Variants in AKAP13 observed in about 807,000 individuals in gnomAD.
The protein encoded by AKAP13 is A-kinase anchor protein 13.
AKAP13 carries 80 observed loss-of-function variants against 264.5 expected under a neutral mutation model. The ratio of observed to expected loss-of-function variants is 0.30; its 90% CI spans 0.25 to 0.36. The LOEUF is 0.36. AKAP13 is among the 10% of genes least tolerant of loss of function. The pLI, the probability that AKAP13 is intolerant of heterozygous loss-of-function variation, is 1.00. For missense variants in AKAP13, 3,712 were observed against 3,435.2 expected (o/e 1.08, Z -2.01); for synonymous variants, 1,380 against 1,250.2 (o/e 1.10, Z -2.19).
At chr15:85,575,370 A>ATGTGTG (rs2078968739) in intron 6 of AKAP13, 41 bp downstream of exon 6, 1 of 1,569,528 alleles carries the variant, frequency 6.4e-7, no homozygotes. Context: ...ATGCATGTGT[A>ATGTGTG]TGTGTGTGTT....
intron 5 of AKAP13, among the ~76,000 whole-genome samples, chr15:85,563,988 T>C (rs1449166611): frequency 6.6e-6 from 1 of 152,226 alleles, no homozygotes; most frequent in Non-Finnish European, 1.5e-5. Flanking sequence ...GTATGTGGTA[T>C]ACCTTGAACA....
At chr15:85,537,778 G>T (rs1169076581) in intron 4 of AKAP13, among the ~76,000 whole-genome samples, 1 of 152,188 alleles carries the variant, frequency 6.6e-6, no homozygotes, top group African/African-American at 2.4e-5. Flanking sequence ...GGGGGAAAGT[G>T]TATTCTGATA....
chr15:85,738,103 A>C (rs2088674378), intron 33 of AKAP13, among the ~76,000 whole-genome samples: 1 of 152,184 alleles, frequency 6.6e-6, no homozygotes, highest in East Asian at 1.9e-4. Flanking sequence ...TTTATTAAGA[A>C]TAAAATAAGA....
intron 29 of AKAP13, among the ~76,000 whole-genome samples, chr15:85,728,885 G>T (rs2087780074): frequency 6.6e-6 from 1 of 151,980 alleles, no homozygotes; most frequent in African/African-American, 2.4e-5. Flanking sequence ...AAGATAGTTA[G>T]GAGAGTTGCT....
intron 9 of AKAP13, among the ~76,000 whole-genome samples, chr15:85,644,233 C>T (rs67293027): frequency 0.025 from 2,191 of 86,108 alleles, 89 homozygotes; most frequent in African/African-American, 0.068. Flanking sequence ...CTTTTATCTT[C>T]TTTTTTTTTT....
intron 30 of AKAP13, among the ~76,000 whole-genome samples, chr15:85,730,975 G>C (rs1053674137): frequency 3.8e-5 from 4 of 103,930 alleles, no homozygotes; most frequent in Admixed American, 9.6e-5. Context: ...TATTCTGACT[G>C]TTTTTTAATT....
In AKAP13 at chr15:85,748,883, C is replaced by G. The variant is rs13225; in HGVS notation, c.*4206C>G. On this transcript the variant is annotated 3_prime_UTR_variant, in exon 37 of 37. Transcript: ENST00000394518. Reference sequence around the variant, plus strand: ...TGCAGGAAGCACTCACCCCCCACACCTTCCCCGGCCTGAGCTTCCCCTACC... The same window carrying G: ...TGCAGGAAGCACTCACCCCCCACACGTTCCCCGGCCTGAGCTTCCCCTACC... 0.32 allele frequency: 48,354 copies of G among 152,426 alleles called. 8,292 individuals are homozygous for G. Among genetic ancestry groups the G allele is most frequent in the East Asian group, 0.64 (3,282 of 5,152 alleles). The allele number at this position is 152,426 out of a possible 1,614,324, so 9.4% of individuals were successfully genotyped here. A position where few individuals can be genotyped will look rare whatever the true frequency, so the allele number is the denominator to read the frequency against.
chr15:85,601,586 C>T (rs901967909), intron 8 of AKAP13, among the ~76,000 whole-genome samples: 1 of 141,256 alleles, frequency 7.1e-6, no homozygotes, highest in African/African-American at 2.6e-5. Context: ...CTCATACTCT[C>T]ATCTTCTCTC....
Position 85,558,650 on chromosome 15 carries a change from T to A in AKAP13, c.662+14695T>A, listed in dbSNP as rs1334781846. On this transcript the variant is annotated intron_variant, in intron 5 of 36. Transcript: ENST00000394518. ...AGTATGGAACACATCGCTTCTCCATTAAGTTGGAAGCTTGTTAATCAGCTG... is the reference window on the plus strand; with the variant it reads ...AGTATGGAACACATCGCTTCTCCATAAAGTTGGAAGCTTGTTAATCAGCTG... Among the ~76,000 whole-genome samples, 2 of 152,262 alleles carry A rather than the reference T, an allele frequency of 1.3e-5. 1 individual carries two copies. Among genetic ancestry groups the A allele is most frequent in the South Asian group, 4.1e-4 (2 of 4,834 alleles).
At chr15:85,574,704 G>C (rs899550191) in intron 5 of AKAP13, among the ~76,000 whole-genome samples, 3 of 152,108 alleles carry the variant, frequency 2.0e-5, no homozygotes, top group African/African-American at 7.2e-5. Flanking sequence ...TGGAGTGAGT[G>C]GTTCTTCTCT....
At chr15:85,621,364 A>T (rs1284188835) in intron 8 of AKAP13, 1 of 152,148 alleles carries the variant, frequency 6.6e-6, no homozygotes, top group Non-Finnish European at 1.5e-5. Context: ...GGTGTTTTGA[A>T]ATTGTTCCAA....
intron 4 of AKAP13, among the ~76,000 whole-genome samples, chr15:85,539,494 G>A (rs545924861): frequency 8.5e-5 from 13 of 152,332 alleles, no homozygotes; most frequent in African/African-American, 2.6e-4. Flanking sequence ...AGTACTGTAA[G>A]CTGGGCTTGC....
At chr15:85,419,170 A>G (rs2072394233) in intron 1 of AKAP13, among the ~76,000 whole-genome samples, 1 of 152,242 alleles carries the variant, frequency 6.6e-6, no homozygotes. Flanking sequence ...TTTGTATCAT[A>G]TCATCATAGG....
intron 8 of AKAP13, among the ~76,000 whole-genome samples, chr15:85,606,187 C>T (rs59992998): frequency 0.62 from 91,907 of 148,700 alleles, 28,536 homozygotes; most frequent in Middle Eastern, 0.72. Context: ...CTGCAACCTC[C>T]GCCTCTAGGG....
At chr15:85,639,904 C>T (rs1216406036) in intron 9 of AKAP13, among the ~76,000 whole-genome samples, 1 of 152,138 alleles carries the variant, frequency 6.6e-6, no homozygotes, top group East Asian at 1.9e-4. Context: ...TTATAAGCTC[C>T]TTTGATTACC....
intron 8 of AKAP13, among the ~76,000 whole-genome samples, chr15:85,586,511 C>A (rs1347133616): frequency 6.6e-6 from 1 of 152,066 alleles, no homozygotes; most frequent in Non-Finnish European, 1.5e-5. Flanking sequence ...GCCTATAAAC[C>A]CTTCTTAAAC....
Position 85,452,993 on chromosome 15 carries a change from C to T in AKAP13, c.-11-32717C>T, listed in dbSNP as rs578157168. Among the ~76,000 whole-genome samples the T allele has an allele frequency of 2.9e-4, 44 of 152,258 alleles. No homozygotes were observed. The East Asian group carries it at 3.3e-3, about 11-fold the overall frequency. ...CAGGTGAGCAGTTGCTTAGTGCAGT[C>T]AGCCCAGGATGGAGGGTCAGTGCTG... On this transcript the variant is annotated intron_variant, in intron 1 of 36. Coordinates refer to ENST00000394518, the MANE Select transcript of AKAP13 (RefSeq NM_007200.5).
rs368562403 is a variant in AKAP13 at position 85,673,159 on chromosome 15, T to C, written c.5101+3329T>C. 3.4e-4 allele frequency among the ~76,000 whole-genome samples: 52 copies of C among 152,338 alleles called. 1 individual carries two copies. In the South Asian group the frequency reaches 0.01, roughly 30 times the overall value. On this transcript the variant is annotated intron_variant, in intron 14 of 36. Coordinates refer to ENST00000394518, the MANE Select transcript of AKAP13 (RefSeq NM_007200.5). ...TCTTTTGTTGGGTCATTTGCTAGAT[T>C]AGAAAAACAGACAAACTTGTAGCAT...
chr15:85,719,406 A>ATC, intron 23 of AKAP13, 80 bp downstream of exon 23: 1 of 1,526,346 alleles, frequency 6.6e-7, no homozygotes, highest in South Asian at 1.3e-5. Context: ...ATGCATTCAC[A>ATC]TCTTCTTTCT....
Sources: allele counts gnomAD v4.1 joint callset (sites outside exome capture counted in the v4.1 genomes callset), GRCh38; gene constraint gnomAD v4.1.1; transcripts MANE v1.5; gene names NCBI Gene and HGNC (gene_info 2026-07-23, HGNC 2026-07-21).